The following NXPE4 variants were observed in gnomAD, a reference collection of about 807,000 sequenced individuals.
NXPE4 encodes the protein NXPE family member 4.
A neutral mutation model predicts 33.3 loss-of-function variants in NXPE4; 42 were observed. The ratio of observed to expected loss-of-function variants is 1.26; its 90% CI spans 0.98 to 1.63. The LOEUF is 1.63. NXPE4 is among the 40% of genes most tolerant of loss of function. NXPE4 has a pLI of 0.00. For missense variants in NXPE4, 709 were observed against 647.6 expected (o/e 1.09, Z -1.03); for synonymous variants, 253 against 234.9 (o/e 1.08, Z -0.71).
chr11:114,636,321 A>G, the NXPE4 span, among the ~76,000 whole-genome samples: 2 of 151,872 alleles, frequency 1.3e-5, no homozygotes, highest in African/African-American at 4.8e-5. Flanking sequence ...CCCCTTTATC[A>G]TTTTTTATTG....
At chr11:114,611,076 T>C in the NXPE4 span, among the ~76,000 whole-genome samples, 4 of 150,584 alleles carry the variant, frequency 2.7e-5, no homozygotes, top group African/African-American at 9.7e-5. Flanking sequence ...CACTGTTACC[T>C]GGTGGATAAT....
At chr11:114,604,738 G>C in the NXPE4 span, among the ~76,000 whole-genome samples, 7 of 152,030 alleles carry the variant, frequency 4.6e-5, no homozygotes, top group East Asian at 1.4e-3. Context: ...TTACTCGGTG[G>C]ATAATAAGTA....
chr11:114,628,385 T>A, the NXPE4 span, among the ~76,000 whole-genome samples: 4 of 152,082 alleles, frequency 2.6e-5, no homozygotes, highest in Non-Finnish European at 4.4e-5. Flanking sequence ...ACCACTGAAC[T>A]ACATGGAAAC....
chr11:114,625,643 G>A, the NXPE4 span, among the ~76,000 whole-genome samples: 1 of 152,168 alleles, frequency 6.6e-6, no homozygotes. Flanking sequence ...TTACCCGGTG[G>A]ATAATAAGTA....
chr11:114,634,519 T>C, the NXPE4 span, among the ~76,000 whole-genome samples: 1 of 152,098 alleles, frequency 6.6e-6, no homozygotes, highest in Non-Finnish European at 1.5e-5. Context: ...TTTGGTGTTT[T>C]AGACATGAAG....
At chr11:114,632,999 A>C in the NXPE4 span, among the ~76,000 whole-genome samples, 1 of 100,750 alleles carries the variant, frequency 9.9e-6, no homozygotes, top group African/African-American at 4.3e-5. Context: ...TATAATATAT[A>C]ATAATATATA....
the NXPE4 span, among the ~76,000 whole-genome samples, chr11:114,618,553 T>C: frequency 1.5e-4 from 23 of 152,162 alleles, no homozygotes; most frequent in South Asian, 4.6e-3. Context: ...TGATCACTGT[T>C]ACCCAGTGGA....
the NXPE4 span, among the ~76,000 whole-genome samples, chr11:114,676,110 A>G: frequency 6.6e-6 from 1 of 152,032 alleles, no homozygotes; most frequent in South Asian, 2.1e-4. Context: ...CTGAAAATGG[A>G]TTAAAGACTT....
At chr11:114,600,389 C>T (rs752745592), upstream of NXPE4, among the ~76,000 whole-genome samples, 20 of 152,126 alleles carry the variant, frequency 1.3e-4, no homozygotes, top group Non-Finnish European at 2.4e-4. Flanking sequence ...CCATTTTCCT[C>T]ATTCCTTCAT....
chr11:114,634,846 A>G, the NXPE4 span, among the ~76,000 whole-genome samples: 1 of 151,944 alleles, frequency 6.6e-6, no homozygotes, highest in African/African-American at 2.4e-5. Flanking sequence ...TATCAGTGCT[A>G]TGCTGTTTTG....
chr11:114,670,886 T>C, the NXPE4 span, among the ~76,000 whole-genome samples: 3 of 151,534 alleles, frequency 2.0e-5, no homozygotes, highest in Non-Finnish European at 4.4e-5. Context: ...AAACCGCCTC[T>C]GAGAGGGCCA....
At chr11:114,579,369 G>C (rs1949085099) in intron 5 of NXPE4, among the ~76,000 whole-genome samples, 1 of 152,108 alleles carries the variant, frequency 6.6e-6, no homozygotes, top group African/African-American at 2.4e-5. Context: ...GATTTGGAGG[G>C]GACAATCAGT....
the NXPE4 span, among the ~76,000 whole-genome samples, chr11:114,634,259 T>C: frequency 6.6e-6 from 1 of 152,182 alleles, no homozygotes; most frequent in East Asian, 1.9e-4. Context: ...CATAAATGTC[T>C]TCTTTTGAGA....
At chr11:114,625,342 C>CCCAG in the NXPE4 span, among the ~76,000 whole-genome samples, 1 of 152,060 alleles carries the variant, frequency 6.6e-6, no homozygotes, top group African/African-American at 2.4e-5. Context: ...ACCACTGTTA[C>CCCAG]TGGGTGTATA....
At chr11:114,584,094 A>G (rs774283245) in intron 2 of NXPE4, 6 of 296,898 alleles carry the variant, frequency 2.0e-5, no homozygotes, top group Non-Finnish European at 4.0e-5. Context: ...ATCAAAGGGC[A>G]TGCCAAGTGT....
the NXPE4 span, among the ~76,000 whole-genome samples, chr11:114,608,202 G>A: frequency 6.9e-3 from 1,047 of 151,418 alleles, 12 homozygotes; most frequent in East Asian, 0.013. Flanking sequence ...ATGGTTACCC[G>A]GTGGATAATA....
the NXPE4 span, among the ~76,000 whole-genome samples, chr11:114,659,469 A>C: frequency 2.0e-5 from 3 of 152,098 alleles, no homozygotes; most frequent in Admixed American, 1.3e-4. Flanking sequence ...GAAAAAAAAA[A>C]CAGTACAGAT....
chr11:114,613,155 G>A, the NXPE4 span, among the ~76,000 whole-genome samples: 1 of 151,460 alleles, frequency 6.6e-6, no homozygotes, highest in South Asian at 2.1e-4. Flanking sequence ...GATAACGACT[G>A]TTACCCGATG....
chr11:114,666,933 C>G, the NXPE4 span, among the ~76,000 whole-genome samples: 3 of 152,128 alleles, frequency 2.0e-5, no homozygotes, highest in East Asian at 5.8e-4. Flanking sequence ...AAAAACACCC[C>G]TGCACACATC....
Sources: allele counts gnomAD v4.1 joint callset (sites outside exome capture counted in the v4.1 genomes callset), GRCh38; gene constraint gnomAD v4.1.1; transcripts MANE v1.5; gene names NCBI Gene and HGNC (gene_info 2026-07-23, HGNC 2026-07-21).